The following MTSS1 variants were observed in gnomAD, a reference collection of about 807,000 sequenced individuals.
The protein encoded by MTSS1 is MTSS I-BAR domain containing 1, also known as protein MTSS 1.
A neutral mutation model predicts 79.0 loss-of-function variants in MTSS1; 18 were observed. The ratio of observed to expected loss-of-function variants is 0.23; its 90% CI spans 0.16 to 0.34. The LOEUF (loss-of-function observed/expected upper bound fraction) is 0.34, where lower values mean the gene tolerates loss of function less well. Among genes scored for constraint, MTSS1 ranks in the 10% least tolerant of loss-of-function variants. MTSS1 has a pLI of 1.00. For missense variants in MTSS1, 815 were observed against 986.2 expected (o/e 0.83, Z 2.33); for synonymous variants, 341 against 368.6 (o/e 0.93, Z 0.86).
At position 124,673,665 on chromosome 8, in the gene MTSS1, A is replaced by G. The variant is rs183101650; in HGVS notation, c.208+25861T>C. On this transcript the variant is annotated intron_variant, in intron 3 of 13. Transcript: ENST00000518547. The stretch of plus-strand genomic sequence containing the variant: ...TATGTTACTACAAGAAGAGAAGGAG[A>G]CCCAGATTCAAAGCTGCACGTTTCT... Among the ~76,000 whole-genome samples the G allele has an allele frequency of 5.2e-4, 79 of 152,306 alleles. 1 individual carries two copies. Among genetic ancestry groups the G allele is most frequent in the Non-Finnish European group, 6.8e-4 (46 of 68,018 alleles).
rs574620075 is a variant in MTSS1, at chr8:124,598,395, T to A, written c.209-7160A>T. Among the ~76,000 whole-genome samples the A allele has an allele frequency of 3.7e-3, 563 of 152,242 alleles. 3 individuals carry two copies. Among genetic ancestry groups the A allele is most frequent in the Non-Finnish European group, 6.5e-3 (441 of 68,016 alleles). On this transcript the variant is annotated intron_variant, in intron 3 of 13. Coordinates refer to ENST00000518547, the MANE Select transcript of MTSS1 (RefSeq NM_014751.6). ...CTCTACCCACTAGATGCCAGTAACA[T>A]CCCTCAAGTCATGACAACTAGAAAT...
At chr8:124,622,670 T>C (rs1444907412) in intron 3 of MTSS1, among the ~76,000 whole-genome samples, 1 of 151,494 alleles carries the variant, frequency 6.6e-6, no homozygotes, top group Non-Finnish European at 1.5e-5. Flanking sequence ...TGGCATACTC[T>C]TGTAATCCAT....
At chr8:124,644,595 A>C (rs1211768708) in intron 3 of MTSS1, among the ~76,000 whole-genome samples, 5 of 152,226 alleles carry the variant, frequency 3.3e-5, no homozygotes, top group Non-Finnish European at 7.3e-5. Flanking sequence ...AATTTTGCTA[A>C]ATAGTACTGG....
chr8:124,608,380 C>T (rs925344200), intron 3 of MTSS1, among the ~76,000 whole-genome samples: 2 of 152,232 alleles, frequency 1.3e-5, no homozygotes, highest in African/African-American at 4.8e-5. Context: ...GACCACATGT[C>T]CCATGGATGA....
chr8:124,689,773 C>T (rs1004623191), intron 3 of MTSS1, among the ~76,000 whole-genome samples: 3 of 150,424 alleles, frequency 2.0e-5, no homozygotes, highest in Non-Finnish European at 4.4e-5. Flanking sequence ...AAAAATTCTT[C>T]GCTTCATCTG....
At chr8:124,627,924 T>C (rs1224436541) in intron 3 of MTSS1, among the ~76,000 whole-genome samples, 2 of 152,098 alleles carry the variant, frequency 1.3e-5, no homozygotes, top group East Asian at 1.9e-4. Context: ...CCCAACACTT[T>C]GGGAGGCCGA....
intron 3 of MTSS1, among the ~76,000 whole-genome samples, chr8:124,644,009 A>G (rs1818561852): frequency 6.6e-6 from 1 of 152,170 alleles, no homozygotes; most frequent in Admixed American, 6.6e-5. Flanking sequence ...ACTAAAGAGA[A>G]GCCAACTGGA....
chr8:124,603,045 A>G (rs2133062331), intron 3 of MTSS1, among the ~76,000 whole-genome samples: 1 of 152,292 alleles, frequency 6.6e-6, no homozygotes, highest in African/African-American at 2.4e-5. Context: ...GTTCTTTCTG[A>G]GATGTAGTCT....
In MTSS1 at chr8:124,553,132, C is replaced by G. The variant is rs145222040; in HGVS notation, c.2128G>C (p.Gly710Arg). Reference protein sequence around the residue: ...REPPSATVSPGQIPESDPADL... With the variant: ...REPPSATVSPRQIPESDPADL... ...GCAGGGTCACTCTCTGGAATCTGGC[C>G]TGGGGAGACAGTGGCACTTGGGGGT... Residue 710 changes from glycine to arginine, a missense_variant, in exon 14 of 14, where the codon GGC becomes CGC. Gly to Arg is a moderately radical substitution (Grantham distance 125). Coordinates refer to ENST00000518547, the MANE Select transcript of MTSS1 (RefSeq NM_014751.6). The surrounding 1 kb of genome is among the most constrained non-coding windows in gnomAD (Gnocchi z 6.0). The G allele has an allele frequency of 6.2e-7, 1 of 1,614,130 alleles. No homozygotes were observed. The highest frequency in any genetic ancestry group is 8.5e-7 in the Non-Finnish European group (1 of 1,180,036).
At chr8:124,559,534 G>A (rs904237773) in intron 10 of MTSS1, among the ~76,000 whole-genome samples, 1 of 152,158 alleles carries the variant, frequency 6.6e-6, no homozygotes, top group Non-Finnish European at 1.5e-5. Flanking sequence ...CTCTGGAGAG[G>A]TCTCATTTGG....
intron 1 of MTSS1, among the ~76,000 whole-genome samples, chr8:124,709,883 T>C (rs1830915627): frequency 6.6e-6 from 1 of 152,222 alleles, no homozygotes; most frequent in South Asian, 2.1e-4. Context: ...ACACTTCTTC[T>C]GGAACATTCT....
chr8:124,653,679 G>A (rs960033497), intron 3 of MTSS1, among the ~76,000 whole-genome samples: 10 of 152,216 alleles, frequency 6.6e-5, no homozygotes, highest in East Asian at 1.9e-4. Flanking sequence ...AGCCGAGATC[G>A]CGCCAGTGCG....
rs754855360 is a variant in MTSS1 at position 124,591,235 on chromosome 8, C to T, written c.209G>A (p.Gly70Asp). ...AGCAGATCCAATCTCCCTGGTCCCA[C>T]CTGAAAAAGCAACAGAGGCAAAGGT... The part of the protein sequence containing the change: ...KVADMATNTR[G>D]GTREIGSALT... The change falls in exon 4 of 14, where the codon GGT (glycine) becomes GAT (aspartate). Residue 70 changes from glycine to aspartate, a missense_variant and splice_region_variant. This residue lies in a region of MTSS1 where 225 missense variants were observed against 365.4 expected (regional missense o/e 0.62). Coordinates refer to ENST00000518547, the MANE Select transcript of MTSS1 (RefSeq NM_014751.6). The T allele has an allele frequency of 6.2e-7, 1 of 1,613,882 alleles. No individual in the cohort carries two copies. The highest frequency in any genetic ancestry group is 1.3e-5 in the African/African-American group (1 of 74,936).
intron 3 of MTSS1, among the ~76,000 whole-genome samples, chr8:124,677,596 G>A (rs1825516378): frequency 6.6e-6 from 1 of 152,164 alleles, no homozygotes; most frequent in Non-Finnish European, 1.5e-5. Flanking sequence ...GCCAATAGCA[G>A]GCTGCATTTG....
chr8:124,573,207 C>G (rs940823129), intron 6 of MTSS1, among the ~76,000 whole-genome samples: 2 of 152,226 alleles, frequency 1.3e-5, no homozygotes, highest in African/African-American at 4.8e-5. Flanking sequence ...TTCTCTCCCT[C>G]TCTCCTCTCC....
At chr8:124,596,645 G>A (rs75566057) in intron 3 of MTSS1, among the ~76,000 whole-genome samples, 2,887 of 152,286 alleles carry the variant, frequency 0.019, 101 homozygotes, top group African/African-American at 0.066. Context: ...ACCCAAACTG[G>A]CTGGCTTAAA....
At chr8:124,725,553 T>A (rs563003211) in intron 1 of MTSS1, among the ~76,000 whole-genome samples, 148 of 152,294 alleles carry the variant, frequency 9.7e-4, no homozygotes, top group African/African-American at 3.5e-3. Context: ...ATTTACGCTT[T>A]TCCCTCAGAG....
intron 3 of MTSS1, among the ~76,000 whole-genome samples, chr8:124,601,907 C>G (rs1833891283): frequency 6.6e-6 from 1 of 152,104 alleles, no homozygotes; most frequent in South Asian, 2.1e-4. Flanking sequence ...TGACAGAACA[C>G]AGTCTTCAAA....
chr8:124,601,308 C>T (rs952262346), intron 3 of MTSS1, among the ~76,000 whole-genome samples: 13 of 152,088 alleles, frequency 8.5e-5, no homozygotes, highest in Non-Finnish European at 1.3e-4. Flanking sequence ...GTGATCCACC[C>T]GCCTTGACCT....
Sources: allele counts gnomAD v4.1 joint callset (sites outside exome capture counted in the v4.1 genomes callset), GRCh38; gene constraint gnomAD v4.1.1; regional missense constraint gnomAD v4.1.1; non-coding constraint Gnocchi (gnomAD v3.1); transcripts MANE v1.5; gene names NCBI Gene and HGNC (gene_info 2026-07-23, HGNC 2026-07-21).